The following OPCML variants were observed in gnomAD, a reference collection of about 807,000 sequenced individuals.
The protein encoded by OPCML is opioid binding protein/cell adhesion molecule like.
OPCML carries 13 observed loss-of-function variants against 37.8 expected under a neutral mutation model. That is an observed-to-expected ratio of 0.34 (90% CI 0.22 to 0.55). The LOEUF (loss-of-function observed/expected upper bound fraction) is 0.55. Among genes scored for constraint, OPCML ranks in the 20% least tolerant of loss-of-function variants. The pLI is 0.91. For missense variants in OPCML, 341 were observed against 435.6 expected (o/e 0.78, Z 1.93); for synonymous variants, 176 against 168.8 (o/e 1.04, Z -0.33).
At chr11:133,240,834 A>G (rs1034930637) in intron 1 of OPCML, among the ~76,000 whole-genome samples, 1 of 152,224 alleles carries the variant, frequency 6.6e-6, no homozygotes, top group African/African-American at 2.4e-5. Context: ...TCAAGGAACT[A>G]GAAAGTCTCT....
At chr11:132,469,599 G>T (rs1383897271) in intron 4 of OPCML, among the ~76,000 whole-genome samples, 1 of 144,182 alleles carries the variant, frequency 6.9e-6, no homozygotes, top group Non-Finnish European at 1.5e-5. Flanking sequence ...ATGTGTATGT[G>T]TATAGGCATG....
intron 1 of OPCML, among the ~76,000 whole-genome samples, chr11:133,098,028 G>A (rs1472538445): frequency 1.3e-5 from 2 of 152,048 alleles, no homozygotes. Context: ...TATGAGGCCA[G>A]CATTACCCTA....
intron 1 of OPCML, among the ~76,000 whole-genome samples, chr11:133,180,577 A>C (rs190464859): frequency 1.3e-5 from 2 of 152,298 alleles, no homozygotes; most frequent in East Asian, 3.9e-4. Flanking sequence ...TTCAACTTGA[A>C]GAAGGGAAAT....
At chr11:132,603,587 G>C (rs1938071727) in intron 3 of OPCML, among the ~76,000 whole-genome samples, 1 of 152,052 alleles carries the variant, frequency 6.6e-6, no homozygotes, top group Non-Finnish European at 1.5e-5. Context: ...CTGTCAGAAG[G>C]GTCTTTCTAA....
intron 3 of OPCML, among the ~76,000 whole-genome samples, chr11:132,544,795 A>C (rs541387774): frequency 6.6e-6 from 1 of 152,158 alleles, no homozygotes; most frequent in Admixed American, 6.5e-5. Flanking sequence ...TCCCACTTGT[A>C]TAAATCAGTA....
intron 2 of OPCML, among the ~76,000 whole-genome samples, chr11:132,805,772 G>T (rs1385568897): frequency 6.6e-6 from 1 of 152,076 alleles, no homozygotes; most frequent in African/African-American, 2.4e-5. Context: ...AATTAAAAAA[G>T]ATATTTCTCA....
chr11:132,769,240 G>GTTTTTTTTTTTTTTTTTTTTTTT (rs374516026), intron 2 of OPCML, among the ~76,000 whole-genome samples: 1 of 146,546 alleles, frequency 6.8e-6, no homozygotes. Flanking sequence ...TGGTTTGTTT[G>GTTTTTTTTTTTTTTTTTTTTTTT]TTGTTTTTTT....
intron 2 of OPCML, among the ~76,000 whole-genome samples, chr11:132,867,202 A>G (rs1942600296): frequency 3.9e-5 from 6 of 152,202 alleles, no homozygotes; most frequent in Admixed American, 3.9e-4. Flanking sequence ...GCCATGTTGC[A>G]GTTTTATTTT....
chr11:132,764,895 T>C (rs1001539674), intron 2 of OPCML, among the ~76,000 whole-genome samples: 3 of 152,254 alleles, frequency 2.0e-5, no homozygotes, highest in Non-Finnish European at 4.4e-5. Flanking sequence ...CAAGGTAACC[T>C]GTTTCATTGC....
intron 1 of OPCML, among the ~76,000 whole-genome samples, chr11:133,434,823 T>TATATATAC (rs1228363623): frequency 4.3e-5 from 6 of 140,644 alleles, no homozygotes; most frequent in African/African-American, 1.3e-4. Context: ...TATATATATA[T>TATATATAC]ACACACACAT....
chr11:133,237,070 G>C (rs1303743305), intron 1 of OPCML, among the ~76,000 whole-genome samples: 1 of 152,150 alleles, frequency 6.6e-6, no homozygotes, highest in Non-Finnish European at 1.5e-5. Context: ...TTCAAACATG[G>C]GGAAGGAGTC....
At chr11:133,458,851 G>GTGTGTGTGTATATACACATAGATGCACA (rs1565646086) in intron 1 of OPCML, among the ~76,000 whole-genome samples, 3 of 146,636 alleles carry the variant, frequency 2.0e-5, no homozygotes, top group South Asian at 2.1e-4. Flanking sequence ...ATAGATGCAC[G>GTGTGTGTGTATATACACATAGATGCACA]TGTGTGTGTA....
chr11:132,426,463 C>T (rs764265140), intron 7 of OPCML, among the ~76,000 whole-genome samples: 2 of 151,808 alleles, frequency 1.3e-5, no homozygotes, highest in African/African-American at 2.4e-5. Flanking sequence ...TTTTAGAGAC[C>T]GAGTCTCACT....
rs534889585 is a variant in OPCML, at chr11:132,654,498, A to G, written c.379+2589T>C. On this transcript the variant is annotated intron_variant, in intron 3 of 7. Coordinates refer to ENST00000524381, the MANE Select transcript of OPCML (RefSeq NM_001012393.5). ...TCCCCAAGGGAAGCTCCTCCCCAAG[A>G]GAAGCTCTTCCCCAAGAGAAGCTCC... 4.7e-4 allele frequency among the ~76,000 whole-genome samples: 72 copies of G among 151,730 alleles called. No individual in the cohort carries two copies. In the South Asian group the frequency reaches 0.015, roughly 32 times the overall value.
intron 3 of OPCML, among the ~76,000 whole-genome samples, chr11:132,631,352 CATATAT>C (rs61450463): frequency 0.21 from 29,414 of 142,650 alleles, 3,099 homozygotes; most frequent in African/African-American, 0.26. Context: ...ACCATATATA[CATATAT>C]ATATATATAT....
At chr11:132,601,313 C>G (rs144016275) in intron 3 of OPCML, among the ~76,000 whole-genome samples, 1 of 152,022 alleles carries the variant, frequency 6.6e-6, no homozygotes, top group Non-Finnish European at 1.5e-5. Context: ...ATAGAGCTCC[C>G]CATTTTGAAG....
intron 1 of OPCML, among the ~76,000 whole-genome samples, chr11:133,231,512 C>G (rs1315232066): frequency 1.3e-5 from 2 of 152,158 alleles, no homozygotes; most frequent in Non-Finnish European, 2.9e-5. Context: ...TAGGGCAGAG[C>G]TCTCCTGAGA....
At chr11:132,520,206 T>A (rs1286547300) in intron 4 of OPCML, among the ~76,000 whole-genome samples, 2 of 152,184 alleles carry the variant, frequency 1.3e-5, no homozygotes, top group Non-Finnish European at 2.9e-5. Flanking sequence ...AGAATTTGAT[T>A]CAATATATCA....
In OPCML at chr11:133,489,852, A is replaced by ATT. The variant is rs10562716; in HGVS notation, c.61+42410_61+42411dup. Among the ~76,000 whole-genome samples, 10 of 142,092 alleles carry ATT rather than the reference A, an allele frequency of 7.0e-5. No homozygotes were observed. The East Asian group carries it at 7.8e-4, about 11-fold the overall frequency. The allele number at this position is 142,092 out of a possible 152,430, so 93.2% of individuals were successfully genotyped here. A position where few individuals can be genotyped will look rare whatever the true frequency, so the allele number is the denominator to read the frequency against. On this transcript the variant is annotated intron_variant, in intron 1 of 7. Transcript: ENST00000524381. The stretch of plus-strand genomic sequence containing the variant: ...TGTATATACATATATATATATATAT[A>ATT]TTTTTTTATACATGCACACACATAT...
Sources: gnomAD v4.1 joint callset for allele counts (sites outside exome capture counted in the v4.1 genomes callset) on GRCh38, gnomAD v4.1.1 for gene constraint, MANE v1.5 for transcripts, NCBI Gene and HGNC (gene_info 2026-07-23, HGNC 2026-07-21) for gene names.